ACOT11: variants seen among roughly 807,000 people sequenced by gnomAD.
ACOT11 encodes acyl-CoA thioesterase 11.
In ACOT11, 69 loss-of-function variants were observed where a neutral mutation model predicts 77.5. That is an observed-to-expected ratio of 0.89 (90% confidence interval 0.73 to 1.09). The LOEUF is 1.09. Among genes scored for constraint, ACOT11 ranks in the 50% least tolerant of loss-of-function variants. The probability of loss-of-function intolerance (pLI) is 0.00; values close to 1 mark genes in which losing one functional copy is unlikely to be tolerated. For missense variants in ACOT11, 766 were observed against 813.7 expected (o/e 0.94, Z 0.71); for synonymous variants, 279 against 313.0 (o/e 0.89, Z 1.15).
At chr1:54,582,397 A>G (rs1654341511) in intron 1 of ACOT11, 1 of 979,394 alleles carries the variant, frequency 1.0e-6, no homozygotes, top group Admixed American at 6.2e-5. Flanking sequence ...AGGCCCCTCT[A>G]GGCCCAATTT....
At chr1:54,606,062 T>C (rs1357422815) in intron 13 of ACOT11, among the ~76,000 whole-genome samples, 32 of 152,140 alleles carry the variant, frequency 2.1e-4, no homozygotes, top group Admixed American at 2.1e-3. Context: ...CCATCTATTT[T>C]CTCCAGAGCA....
intron 15 of ACOT11, among the ~76,000 whole-genome samples, chr1:54,626,722 C>A (rs1047708850): frequency 7.5e-6 from 1 of 133,324 alleles, no homozygotes; most frequent in African/African-American, 2.5e-5. Flanking sequence ...CAATGCTGGA[C>A]AAATCTATTT....
downstream of ACOT11, chr1:54,611,861 T>C: frequency 1.6e-6 from 2 of 1,225,524 alleles, no homozygotes; most frequent in Middle Eastern, 2.7e-4. Flanking sequence ...TGTCCTCCAG[T>C]CGCCCACCTG....
intron 15 of ACOT11, 61 bp from the exon 16 acceptor site, chr1:54,608,896 C>T: frequency 1.3e-6 from 2 of 1,548,890 alleles, no homozygotes; most frequent in Non-Finnish European, 8.9e-7. Flanking sequence ...ACTGGGCTCC[C>T]ACCCCTTCCC....
At chr1:54,574,891 G>A (rs1281675861) in intron 1 of ACOT11, among the ~76,000 whole-genome samples, 7 of 152,196 alleles carry the variant, frequency 4.6e-5, no homozygotes, top group East Asian at 3.9e-4. Context: ...TTCCTCACAC[G>A]TGCACAAAAC....
At chr1:54,615,633 A>G (rs1266887408) in intron 15 of ACOT11, among the ~76,000 whole-genome samples, 1 of 147,722 alleles carries the variant, frequency 6.8e-6, no homozygotes, top group African/African-American at 2.5e-5. Flanking sequence ...AGGGAGAGGG[A>G]GGCATTATGG....
intron 1 of ACOT11, among the ~76,000 whole-genome samples, chr1:54,569,779 G>A (rs1308055420): frequency 2.0e-5 from 3 of 152,206 alleles, no homozygotes; most frequent in African/African-American, 7.2e-5. Flanking sequence ...AAAAGTGATA[G>A]CAACAGAAAA....
intron 1 of ACOT11, among the ~76,000 whole-genome samples, chr1:54,569,811 A>G (rs1035468093): frequency 6.6e-6 from 1 of 152,236 alleles, no homozygotes; most frequent in Non-Finnish European, 1.5e-5. Flanking sequence ...GGTTGATAGA[A>G]TGAGTCTTTT....
In ACOT11 at chr1:54,609,839, T is replaced by G; in HGVS notation, c.*727T>G. 1 of 1,614,132 alleles carries G rather than the reference T, an allele frequency of 6.2e-7. No individual in the cohort carries two copies. Among genetic ancestry groups the G allele is most frequent in the African/African-American group, 1.3e-5 (1 of 75,072 alleles). ...TGTGGCCAGCTGCTGCAGGCAGGAC[T>G]CCAGCGTCAGGATGTTGCCACTTGG... On this transcript the variant is annotated 3_prime_UTR_variant, in exon 16 of 16. Coordinates refer to ENST00000343744, the MANE Select transcript of ACOT11 (RefSeq NM_147161.4).
rs868533061 is a variant in ACOT11, at chr1:54,609,729, T to G, written c.*617T>G. The G allele has an allele frequency of 6.2e-6, 10 of 1,614,140 alleles. No individual in the cohort carries two copies. Among genetic ancestry groups the G allele is most frequent in the Non-Finnish European group, 8.5e-6 (10 of 1,180,022 alleles). On this transcript the variant is annotated 3_prime_UTR_variant, in exon 16 of 16. Coordinates refer to ENST00000343744, the MANE Select transcript of ACOT11 (RefSeq NM_147161.4). ...ACAGGCCAATGCAAGAGGCCAAGGC[T>G]GGAGAGGCGTGCCAGCAAGGCCAGG...
Position 54,625,855 on chromosome 1 carries a change from C to T in ACOT11, c.1630-4879C>T, listed in dbSNP as rs529331683. Among the ~76,000 whole-genome samples the T allele has an allele frequency of 1.5e-3, 218 of 147,240 alleles. 1 individual carries two copies. Among genetic ancestry groups the T allele is most frequent in the African/African-American group, 5.1e-3 (204 of 39,934 alleles). On this transcript the variant is annotated intron_variant, in intron 15 of 16. Coordinates refer to the ACOT11 transcript ENST00000371316. ...TCGGGAGGCTGAGGTAGGAGGATGG[C>T]TTGAATCTGGGAGGCGGAGGTTGCG...
chr1:54,570,267 A>T (rs536729536), intron 1 of ACOT11, among the ~76,000 whole-genome samples: 14 of 152,346 alleles, frequency 9.2e-5, no homozygotes, highest in African/African-American at 3.1e-4. Flanking sequence ...ACTCTGTCCT[A>T]TTCCACATCT....
intron 15 of ACOT11, among the ~76,000 whole-genome samples, chr1:54,624,399 T>C (rs1362515271): frequency 6.6e-6 from 1 of 151,974 alleles, no homozygotes; most frequent in Non-Finnish European, 1.5e-5. Context: ...ATTTTGGTCA[T>C]GGGGCTTGTC....
intron 1 of ACOT11, among the ~76,000 whole-genome samples, chr1:54,581,888 T>C (rs1654322568): frequency 6.6e-6 from 1 of 152,208 alleles, no homozygotes; most frequent in African/African-American, 2.4e-5. Flanking sequence ...ACCTTGGGAC[T>C]AGGAGGCCTG....
chr1:54,617,476 AAAG>A (rs1334695836), intron 15 of ACOT11, among the ~76,000 whole-genome samples: 2 of 151,734 alleles, frequency 1.3e-5, no homozygotes, highest in East Asian at 1.9e-4. Flanking sequence ...AAAAAAAAAA[AAAG>A]GCCAGAAAAC....
rs535219532 is a variant in ACOT11 at position 54,610,104 on chromosome 1, T to C, written c.*992T>C. 3 of 1,433,904 alleles carry C rather than the reference T, an allele frequency of 2.1e-6. No individual in the cohort carries two copies. The highest frequency in any genetic ancestry group is 2.7e-6 in the Non-Finnish European group (3 of 1,099,342). The allele number at this position is 1,433,904 out of a possible 1,614,324, so 88.8% of individuals were successfully genotyped here. On this transcript the variant is annotated 3_prime_UTR_variant, in exon 16 of 16. Transcript: ENST00000343744. The stretch of plus-strand genomic sequence containing the variant: ...GGCTCCAGGTGGATGGGTTGCTTTA[T>C]AAATGTGCCTGGTGCATGAGAAACT...
At chr1:54,612,551 AG>A, downstream of ACOT11, 1 of 1,614,068 alleles carries the variant, frequency 6.2e-7, no homozygotes, top group East Asian at 2.2e-5. Flanking sequence ...AAGACCGTAC[AG>A]GGAAGGTGAC....
At chr1:54,554,016 C>A (rs1206707908) in intron 1 of ACOT11, among the ~76,000 whole-genome samples, 1 of 151,824 alleles carries the variant, frequency 6.6e-6, no homozygotes, top group Admixed American at 6.6e-5. Flanking sequence ...TCTACAAAAA[C>A]CACAAAAATT....
At chr1:54,619,739 C>T in intron 15 of ACOT11, 4 of 990,266 alleles carry the variant, frequency 4.0e-6, no homozygotes, top group South Asian at 1.6e-5. Flanking sequence ...CCTATTTCCT[C>T]ATGCTGAAAG....
Sources: allele counts gnomAD v4.1 joint callset (sites outside exome capture counted in the v4.1 genomes callset), GRCh38; gene constraint gnomAD v4.1.1; transcripts MANE v1.5; gene names NCBI Gene and HGNC (gene_info 2026-07-23, HGNC 2026-07-21).